Variants in TUBGCP4 observed in about 807,000 individuals in gnomAD.
TUBGCP4 encodes the protein gamma-tubulin complex component 4.
TUBGCP4 carries 54 observed loss-of-function variants against 91.6 expected under a neutral mutation model. The observed-to-expected ratio is 0.59, with a 90% CI of 0.47 to 0.74. TUBGCP4 has a LOEUF of 0.74. Ranked by LOEUF, TUBGCP4 falls within the 30% of genes least tolerant of loss-of-function variation. TUBGCP4 has a pLI of 0.00. For synonymous variants in TUBGCP4, 297 were observed against 302.8 expected (o/e 0.98, Z 0.20); for missense variants, 593 against 800.9 (o/e 0.74, Z 3.13).
intron 9 of TUBGCP4, among the ~76,000 whole-genome samples, chr15:43,386,705 A>G (rs2044379808): frequency 7.1e-6 from 1 of 141,128 alleles, no homozygotes; most frequent in Admixed American, 7.0e-5. Context: ...AACCTGGGCA[A>G]CAGAGCAAGA....
chr15:43,371,220 TG>T lies in TUBGCP4; in HGVS notation c.-132del. On this transcript the variant is annotated 5_prime_UTR_variant, in exon 1 of 18. Coordinates refer to ENST00000564079, the MANE Select transcript of TUBGCP4 (RefSeq NM_014444.5). ...CGCTCCGCCGCAGCGATTGTCTCGGTGGGTTGATTCGGCACAAACCGCCCGA... is the reference window on the plus strand; with the variant it reads ...CGCTCCGCCGCAGCGATTGTCTCGGTGGTTGATTCGGCACAAACCGCCCGA... 2 of 835,574 alleles carry T rather than the reference TG, an allele frequency of 2.4e-6. No homozygotes were observed. Among genetic ancestry groups the T allele is most frequent in the Non-Finnish European group, 3.8e-6 (2 of 523,668 alleles). The allele number at this position is 835,574 out of a possible 1,614,324, so 51.8% of individuals were successfully genotyped here. A position where few individuals can be genotyped will look rare whatever the true frequency, so the allele number is the denominator to read the frequency against.
rs968157130 is a variant in TUBGCP4 at position 43,385,695 on chromosome 15, A to G, written c.724-96A>G. On this transcript the variant is annotated intron_variant, in intron 7 of 17. Transcript: ENST00000564079. The stretch of plus-strand genomic sequence containing the variant: ...CCAGATTTGAAGTCCCTGCGTCTTT[A>G]TTTTAAATCATGGGTTGGGAGAGTT... 1.0e-5 allele frequency: 14 copies of G among 1,344,086 alleles called. No individual in the cohort carries two copies. In the East Asian group the frequency reaches 3.3e-4, roughly 31 times the overall value. The allele number at this position is 1,344,086 out of a possible 1,614,324, so 83.3% of individuals were successfully genotyped here. A position where few individuals can be genotyped will look rare whatever the true frequency, so the allele number is the denominator to read the frequency against.
chr15:43,395,504 T>C (rs905406797), intron 10 of TUBGCP4, 79 bp from the exon 11 acceptor site: 27 of 1,028,088 alleles, frequency 2.6e-5, no homozygotes, highest in Non-Finnish European at 3.0e-6. Flanking sequence ...TAGAAATTAC[T>C]GTATACATGT....
Sources: allele counts gnomAD v4.1 joint callset (sites outside exome capture counted in the v4.1 genomes callset), GRCh38; gene constraint gnomAD v4.1.1; transcripts MANE v1.5; gene names NCBI Gene and HGNC (gene_info 2026-07-23, HGNC 2026-07-21).